The following CTIF variants were observed in gnomAD, a reference collection of about 807,000 sequenced individuals.
CTIF encodes the protein CBP80/20-dependent translation initiation factor.
Under a neutral mutation model 66.0 loss-of-function variants are expected in CTIF, and 21 were observed. The observed-to-expected ratio is 0.32, with a 90% CI of 0.23 to 0.46. CTIF has a LOEUF of 0.46. Ranked by LOEUF, CTIF falls within the 20% of genes least tolerant of loss-of-function variation. The pLI, the probability that CTIF is intolerant of heterozygous loss-of-function variation, is 1.00. For synonymous variants in CTIF, 345 were observed against 326.4 expected (o/e 1.06, Z -0.62); for missense variants, 739 against 812.7 (o/e 0.91, Z 1.10).
chr18:48,577,423 A>G (rs2089557136), intron 1 of CTIF, among the ~76,000 whole-genome samples: 1 of 152,246 alleles, frequency 6.6e-6, no homozygotes, highest in Non-Finnish European at 1.5e-5. Context: ...GTCTTTGGCC[A>G]GGACACTGAA....
intron 9 of CTIF, among the ~76,000 whole-genome samples, chr18:48,811,498 G>T (rs969443455): frequency 1.3e-5 from 2 of 152,070 alleles, no homozygotes; most frequent in Non-Finnish European, 2.9e-5. Flanking sequence ...ACATTCTCAT[G>T]CAACCAGTCT....
chr18:48,726,510 G>A (rs565924058), intron 7 of CTIF, among the ~76,000 whole-genome samples: 4 of 152,286 alleles, frequency 2.6e-5, no homozygotes, highest in African/African-American at 9.6e-5. Flanking sequence ...AGCCCAAGCA[G>A]TTGGAGAACA....
rs751236254 is a variant in CTIF at position 48,859,611 on chromosome 18, A to G, written c.*52A>G. ...ACGGGCAGCTGGGGCCCTGGTGCAC[A>G]GGGCCAGATGGACAGGCGGGAGGAC... On this transcript the variant is annotated 3_prime_UTR_variant, in exon 12 of 12. Transcript: ENST00000256413. The G allele has an allele frequency of 4.8e-5, 74 of 1,544,916 alleles. No homozygotes were observed. Among genetic ancestry groups the G allele is most frequent in the Non-Finnish European group, 6.4e-5 (72 of 1,117,972 alleles).
intron 2 of CTIF, among the ~76,000 whole-genome samples, chr18:48,624,761 C>T (rs1243621148): frequency 6.6e-6 from 1 of 152,142 alleles, no homozygotes; most frequent in Non-Finnish European, 1.5e-5. Context: ...CTCCTTTCTC[C>T]CCCTCCATGG....
At chr18:48,593,452 CTCACTGCAAGCTCTGCCTCCCGGGT>C (rs1253719879) in intron 1 of CTIF, among the ~76,000 whole-genome samples, 1 of 151,028 alleles carries the variant, frequency 6.6e-6, no homozygotes, top group African/African-American at 2.4e-5. Flanking sequence ...GCGATCTCGG[CTCACTGCAAGCTCTGCCTCCCGGGT>C]TCATGCCATT....
chr18:48,756,885 A>G (rs1244532043), intron 7 of CTIF, among the ~76,000 whole-genome samples: 1 of 152,206 alleles, frequency 6.6e-6, no homozygotes, highest in Non-Finnish European at 1.5e-5. Context: ...CTTGACCTAC[A>G]CCCATCATGT....
intron 9 of CTIF, among the ~76,000 whole-genome samples, chr18:48,800,514 C>T (rs1177693355): frequency 2.6e-5 from 4 of 152,224 alleles, no homozygotes; most frequent in African/African-American, 4.8e-5. Context: ...AGATACCTTC[C>T]CTCTTGCTGA....
chr18:48,748,290 T>C (rs907699995), intron 7 of CTIF, among the ~76,000 whole-genome samples: 2 of 151,950 alleles, frequency 1.3e-5, no homozygotes, highest in Non-Finnish European at 2.9e-5. Flanking sequence ...AGGGTGAGCA[T>C]GTGTGCCCCC....
intron 9 of CTIF, among the ~76,000 whole-genome samples, chr18:48,764,994 T>G (rs970300082): frequency 2.0e-5 from 3 of 152,200 alleles, no homozygotes; most frequent in Non-Finnish European, 4.4e-5. Flanking sequence ...CTGAGCCTCC[T>G]CAGGCCCTGT....
At chr18:48,786,871 A>G (rs771261361) in intron 9 of CTIF, among the ~76,000 whole-genome samples, 26 of 150,422 alleles carry the variant, frequency 1.7e-4, no homozygotes, top group Non-Finnish European at 3.0e-4. Flanking sequence ...CCAGTCAAAT[A>G]CTGACTCTGG....
chr18:48,838,991 G>A (rs2068876114), intron 10 of CTIF, among the ~76,000 whole-genome samples: 1 of 152,106 alleles, frequency 6.6e-6, no homozygotes, highest in South Asian at 2.1e-4. Flanking sequence ...CCCGGAGAAG[G>A]ACCTCCAGGC....
At chr18:48,794,004 T>C (rs935412452) in intron 9 of CTIF, among the ~76,000 whole-genome samples, 1 of 151,304 alleles carries the variant, frequency 6.6e-6, no homozygotes. Flanking sequence ...GCTTCTGCTC[T>C]ACAGATTTCA....
intron 1 of CTIF, among the ~76,000 whole-genome samples, chr18:48,555,625 G>A (rs1166362597): frequency 2.0e-5 from 3 of 152,232 alleles, no homozygotes; most frequent in East Asian, 1.9e-4. Context: ...CTCCCCCTGG[G>A]CCTGCCAGCC....
At chr18:48,683,882 G>A (rs897340044) in intron 6 of CTIF, among the ~76,000 whole-genome samples, 3 of 152,198 alleles carry the variant, frequency 2.0e-5, no homozygotes, top group South Asian at 2.1e-4. Context: ...GAAAATTTGG[G>A]GCCCAGGCTC....
chr18:48,838,753 T>C (rs956734580), intron 10 of CTIF, among the ~76,000 whole-genome samples: 4 of 152,322 alleles, frequency 2.6e-5, no homozygotes, highest in Non-Finnish European at 4.4e-5. Flanking sequence ...TATGGAGAAG[T>C]TGAGGGATTT....
At chr18:48,758,606 C>T (rs1357771124) in intron 8 of CTIF, among the ~76,000 whole-genome samples, 1 of 152,082 alleles carries the variant, frequency 6.6e-6, no homozygotes, top group Non-Finnish European at 1.5e-5. Flanking sequence ...TCATGAACCC[C>T]TCCAGCACAC....
intron 10 of CTIF, among the ~76,000 whole-genome samples, chr18:48,845,806 C>A (rs1251858651): frequency 6.6e-6 from 1 of 152,184 alleles, no homozygotes; most frequent in African/African-American, 2.4e-5. Flanking sequence ...CGCAGTTGAC[C>A]AAACCCCAAA....
chr18:48,682,551 T>A (rs2091765074), intron 6 of CTIF, among the ~76,000 whole-genome samples: 1 of 152,224 alleles, frequency 6.6e-6, no homozygotes, highest in Non-Finnish European at 1.5e-5. Flanking sequence ...GGCCACTGGC[T>A]TTTCACTACT....
chr18:48,812,661 G>A (rs1430177609), intron 9 of CTIF, among the ~76,000 whole-genome samples: 1 of 151,348 alleles, frequency 6.6e-6, no homozygotes, highest in Non-Finnish European at 1.5e-5. Context: ...AGCTGAGGTG[G>A]AAGGATCACT....
Sources: gnomAD v4.1 joint callset for allele counts (sites outside exome capture counted in the v4.1 genomes callset) on GRCh38, gnomAD v4.1.1 for gene constraint, MANE v1.5 for transcripts, NCBI Gene and HGNC (gene_info 2026-07-23, HGNC 2026-07-21) for gene names.